TMEM182: variants seen among roughly 807,000 people sequenced by gnomAD.
TMEM182 encodes the protein transmembrane protein 182.
TMEM182 carries 20 observed loss-of-function variants against 26.8 expected under a neutral mutation model. The observed-to-expected ratio is 0.75, with a 90% confidence interval of 0.53 to 1.09. TMEM182 has a LOEUF of 1.09. TMEM182 is among the 50% of genes least tolerant of loss of function. The pLI is 0.00. For missense variants in TMEM182, 277 were observed against 275.5 expected (o/e 1.01, Z -0.04); for synonymous variants, 109 against 102.2 (o/e 1.07, Z -0.40).
At chr2:102,760,889 G>T (rs148005781), upstream of TMEM182, among the ~76,000 whole-genome samples, 3 of 152,146 alleles carry the variant, frequency 2.0e-5, no homozygotes, top group South Asian at 4.1e-4. Context: ...GAGCCACCGC[G>T]CCTGGCCTTA....
chr2:102,748,678 C>G (rs1239583767), intron 1 of TMEM182, among the ~76,000 whole-genome samples: 1 of 152,210 alleles, frequency 6.6e-6, no homozygotes, highest in East Asian at 1.9e-4. Flanking sequence ...AGAAGCATTA[C>G]AAGTGTTGTG....
chr2:102,769,241 T>G (rs1235786486), intron 3 of TMEM182, among the ~76,000 whole-genome samples: 7 of 151,996 alleles, frequency 4.6e-5, no homozygotes. Context: ...ATCAAAATCA[T>G]TCAGTGAATC....
downstream of TMEM182, among the ~76,000 whole-genome samples, chr2:102,819,801 A>G (rs570294556): frequency 6.6e-6 from 1 of 152,206 alleles, no homozygotes; most frequent in Non-Finnish European, 1.5e-5. Context: ...GGCATATTTT[A>G]TCTTTCTGCT....
intron 3 of TMEM182, among the ~76,000 whole-genome samples, chr2:102,842,008 A>ACTGAAATACTGT (rs1683361110): frequency 6.6e-6 from 1 of 152,208 alleles, no homozygotes; most frequent in Non-Finnish European, 1.5e-5. Context: ...CAGATGCATC[A>ACTGAAATACTGT]CTGAAATACT....
chr2:102,737,096 G>T (rs1388711578), intron 1 of TMEM182: 4 of 409,218 alleles, frequency 9.8e-6, no homozygotes, highest in African/African-American at 4.3e-5. Flanking sequence ...TATCGTTGGA[G>T]GACAGGAGGG....
intron 2 of TMEM182, among the ~76,000 whole-genome samples, chr2:102,763,884 C>A (rs1680315357): frequency 6.6e-6 from 1 of 152,112 alleles, no homozygotes; most frequent in Non-Finnish European, 1.5e-5. Context: ...CATTTGCATT[C>A]TTCCCTAAAA....
chr2:102,781,677 A>G (rs1346700557), intron 3 of TMEM182, among the ~76,000 whole-genome samples: 1 of 152,120 alleles, frequency 6.6e-6, no homozygotes, highest in Non-Finnish European at 1.5e-5. Flanking sequence ...TTTTCAGGGC[A>G]GGGAATGATG....
At chr2:102,835,229 C>T (rs142914819) in intron 3 of TMEM182, among the ~76,000 whole-genome samples, 104 of 152,272 alleles carry the variant, frequency 6.8e-4, no homozygotes, top group African/African-American at 2.4e-3. Context: ...TATATTTTGG[C>T]TACATGTAAC....
At chr2:102,805,399 A>C (rs1682308286) in intron 4 of TMEM182, among the ~76,000 whole-genome samples, 1 of 152,184 alleles carries the variant, frequency 6.6e-6, no homozygotes, top group African/African-American at 2.4e-5. Flanking sequence ...ATTTCTTTGG[A>C]GAGAGCCATT....
intron 1 of TMEM182, among the ~76,000 whole-genome samples, chr2:102,745,500 A>G (rs1679668046): frequency 6.6e-6 from 1 of 152,044 alleles, no homozygotes; most frequent in Admixed American, 6.6e-5. Context: ...TTCACATACC[A>G]TGTGATTCAC....
intron 3 of TMEM182, among the ~76,000 whole-genome samples, chr2:102,795,094 A>G (rs890193582): frequency 1.3e-5 from 2 of 152,020 alleles, no homozygotes; most frequent in Admixed American, 1.3e-4. Flanking sequence ...AGTCCATTGC[A>G]TGGGTTTAAT....
chr2:102,836,043 G>C (rs529805226), intron 3 of TMEM182, among the ~76,000 whole-genome samples: 1 of 152,228 alleles, frequency 6.6e-6, no homozygotes, highest in Admixed American at 6.5e-5. Flanking sequence ...TGCATTGAAG[G>C]TTCCTCCATT....
Position 102,762,122 on chromosome 2 carries a change from C to CTT in TMEM182, c.-81_-80dup, listed in dbSNP as rs5833037. The CTT allele has an allele frequency of 2.2e-4, 165 of 736,316 alleles. No homozygotes were observed. The highest frequency in any genetic ancestry group is 3.9e-4 in the East Asian group (12 of 30,668). 45.6% of individuals were successfully genotyped at this position (736,316 alleles called of 1,614,324 possible). A position where few individuals can be genotyped will look rare whatever the true frequency, so the allele number is the denominator to read the frequency against. On this transcript the variant is annotated 5_prime_UTR_variant, in exon 1 of 5. Transcript: ENST00000412401. ...ATTCTGCCAACTCAAAAATATTATT[C>CTT]TTTTTTTTTTTTTTTTGCTGTTGTT...
intron 3 of TMEM182, among the ~76,000 whole-genome samples, chr2:102,843,095 G>C (rs1187779948): frequency 6.6e-6 from 1 of 152,182 alleles, no homozygotes; most frequent in East Asian, 1.9e-4. Context: ...GCCGTGCTAA[G>C]GTCTCCTGTT....
chr2:102,775,338 A>G (rs1245872776), intron 3 of TMEM182: 1 of 152,218 alleles, frequency 6.6e-6, no homozygotes, highest in Non-Finnish European at 1.5e-5. Context: ...AAATTCAACA[A>G]CACTTCATGC....
At chr2:102,802,733 A>G (rs1682196095) in intron 4 of TMEM182, among the ~76,000 whole-genome samples, 1 of 152,222 alleles carries the variant, frequency 6.6e-6, no homozygotes, top group African/African-American at 2.4e-5. Context: ...AGCAACATCA[A>G]CACAGCAATT....
downstream of TMEM182, among the ~76,000 whole-genome samples, chr2:102,822,439 GA>G (rs1217297447): frequency 1.3e-4 from 20 of 152,346 alleles, no homozygotes; most frequent in East Asian, 3.9e-3. Context: ...GTGCTGAGGG[GA>G]TGAGTAGGAC....
chr2:102,749,025 C>T (rs1037529035), intron 1 of TMEM182, among the ~76,000 whole-genome samples: 5 of 152,076 alleles, frequency 3.3e-5, no homozygotes, highest in Non-Finnish European at 5.9e-5. Flanking sequence ...TGGATTTATG[C>T]ATTTTAAATG....
intron 3 of TMEM182, among the ~76,000 whole-genome samples, chr2:102,788,165 G>A (rs147743801): frequency 0.014 from 2,089 of 152,274 alleles, 17 homozygotes; most frequent in Non-Finnish European, 0.022. Flanking sequence ...TGTGTAACAG[G>A]GATTACACAG....
Sources: gnomAD v4.1 joint callset for allele counts (sites outside exome capture counted in the v4.1 genomes callset) on GRCh38, gnomAD v4.1.1 for gene constraint, MANE v1.5 for transcripts, NCBI Gene and HGNC (gene_info 2026-07-23, HGNC 2026-07-21) for gene names.